Variants in CHN1 observed in about 807,000 individuals in gnomAD.
CHN1 encodes N-chimaerin.
CHN1 carries 37 observed loss-of-function variants against 59.5 expected under a neutral mutation model. The observed-to-expected ratio is 0.62, with a 90% CI of 0.48 to 0.82. CHN1 has a LOEUF of 0.82. CHN1 is among the 40% of genes least tolerant of loss of function. CHN1 has a pLI of 0.00. For synonymous variants in CHN1, 206 were observed against 200.4 expected, an observed-to-expected ratio of 1.03 and a Z score of -0.24; for missense variants, 469 against 571.0, an observed-to-expected ratio of 0.82 and a Z score of 1.82.
At chr2:174,831,981 T>C (rs1270175306) in intron 7 of CHN1, among the ~76,000 whole-genome samples, 1 of 152,138 alleles carries the variant, frequency 6.6e-6, no homozygotes, top group Non-Finnish European at 1.5e-5. Flanking sequence ...ACCTACATTA[T>C]AGATAGGTAA....
intron 1 of CHN1, among the ~76,000 whole-genome samples, chr2:174,977,223 GGC>G (rs1690976119): frequency 6.6e-6 from 1 of 152,188 alleles, no homozygotes; most frequent in Non-Finnish European, 1.5e-5. Context: ...TAGTGGACAT[GGC>G]TTTCCTAATA....
At chr2:174,925,044 C>T (rs1429031577) in intron 3 of CHN1, among the ~76,000 whole-genome samples, 1 of 152,090 alleles carries the variant, frequency 6.6e-6, no homozygotes, top group Non-Finnish European at 1.5e-5. Flanking sequence ...AAAATGATTT[C>T]TAACTGAAAA....
chr2:174,860,320 A>G (rs1056986134), intron 6 of CHN1, among the ~76,000 whole-genome samples: 1 of 152,198 alleles, frequency 6.6e-6, no homozygotes, highest in African/African-American at 2.4e-5. Context: ...CAAGTCTTAA[A>G]TTTATAACAG....
At chr2:174,860,853 C>A (rs1439162448) in intron 6 of CHN1, among the ~76,000 whole-genome samples, 1 of 152,024 alleles carries the variant, frequency 6.6e-6, no homozygotes, top group Non-Finnish European at 1.5e-5. Flanking sequence ...TCTCTCCATC[C>A]CAGATTTCTC....
chr2:174,847,349 G>C, intron 6 of CHN1: 1 of 1,288,794 alleles, frequency 7.8e-7, no homozygotes, highest in South Asian at 2.8e-5. Flanking sequence ...TTTTCTTAAA[G>C]GGATCTATAT....
intron 6 of CHN1, among the ~76,000 whole-genome samples, chr2:174,849,071 TTTC>T (rs1686639850): frequency 6.6e-6 from 1 of 152,192 alleles, no homozygotes. Context: ...AGTAAAATTT[TTTC>T]TTCAACAATA....
At chr2:174,973,941 T>C (rs1370249145) in intron 1 of CHN1, among the ~76,000 whole-genome samples, 1 of 152,224 alleles carries the variant, frequency 6.6e-6, no homozygotes, top group Non-Finnish European at 1.5e-5. Flanking sequence ...AATATGTGAA[T>C]TAAAGTACTA....
intron 4 of CHN1, among the ~76,000 whole-genome samples, chr2:174,915,948 G>T (rs1202065043): frequency 6.6e-6 from 1 of 152,132 alleles, no homozygotes; most frequent in African/African-American, 2.4e-5. Flanking sequence ...AGATAATGAA[G>T]GAATTCAGGA....
At chr2:174,977,813 A>T (rs1164713504) in intron 1 of CHN1, among the ~76,000 whole-genome samples, 7 of 152,222 alleles carry the variant, frequency 4.6e-5, no homozygotes, top group Non-Finnish European at 1.0e-4. Flanking sequence ...GGCTGCTCCA[A>T]TGGTAGTGGG....
chr2:174,921,353 G>A (rs542755687), intron 3 of CHN1, among the ~76,000 whole-genome samples: 6 of 152,138 alleles, frequency 3.9e-5, no homozygotes, highest in African/African-American at 4.8e-5. Flanking sequence ...CCCTCTCTCC[G>A]AGTGGAAAAA....
chr2:174,894,981 C>T (rs1207284215), intron 5 of CHN1, among the ~76,000 whole-genome samples: 1 of 151,634 alleles, frequency 6.6e-6, no homozygotes, highest in East Asian at 1.9e-4. Flanking sequence ...TATAAGCTAC[C>T]CACCTGTTAG....
intron 4 of CHN1, among the ~76,000 whole-genome samples, chr2:174,915,721 T>G (rs1220342169): frequency 6.6e-6 from 1 of 152,120 alleles, no homozygotes; most frequent in East Asian, 1.9e-4. Flanking sequence ...TTTCATTCCC[T>G]GCTAAAACCT....
chr2:174,836,350 C>T (rs923868616), intron 7 of CHN1, among the ~76,000 whole-genome samples: 9 of 152,166 alleles, frequency 5.9e-5, no homozygotes, highest in African/African-American at 1.9e-4. Flanking sequence ...TCCATCATGA[C>T]CAAAAGTAGA....
intron 1 of CHN1, among the ~76,000 whole-genome samples, chr2:174,953,150 G>C (rs1256895408): frequency 6.8e-6 from 1 of 146,588 alleles, no homozygotes; most frequent in Admixed American, 6.9e-5. Context: ...CAAAAATTTT[G>C]ATCTCCAAGG....
At chr2:174,890,023 A>G (rs1216735244) in intron 5 of CHN1, among the ~76,000 whole-genome samples, 1 of 152,166 alleles carries the variant, frequency 6.6e-6, no homozygotes, top group African/African-American at 2.4e-5. Flanking sequence ...GACAATAGCT[A>G]TAAGATAAGC....
At chr2:174,987,775 C>T (rs1025572492) in intron 1 of CHN1, among the ~76,000 whole-genome samples, 2 of 152,018 alleles carry the variant, frequency 1.3e-5, no homozygotes, top group Non-Finnish European at 2.9e-5. Context: ...GGAGAAACTG[C>T]TTTTATTTCA....
At chr2:174,989,364 A>G (rs114646534) in intron 1 of CHN1, among the ~76,000 whole-genome samples, 6,448 of 152,166 alleles carry the variant, frequency 0.042, 483 homozygotes, top group African/African-American at 0.15. Context: ...CAACAAGAGG[A>G]AACTCCAACT....
At chr2:174,848,487 T>C (rs949247714) in intron 6 of CHN1, among the ~76,000 whole-genome samples, 1 of 152,192 alleles carries the variant, frequency 6.6e-6, no homozygotes, top group African/African-American at 2.4e-5. Flanking sequence ...TCTCATGCTA[T>C]AATAATTAAG....
chr2:174,903,487 G>T (rs967807864), intron 5 of CHN1, among the ~76,000 whole-genome samples: 8 of 152,056 alleles, frequency 5.3e-5, no homozygotes. Context: ...TTTCTGGAAG[G>T]ATAGAAAGTA....
Sources: gnomAD v4.1 joint callset for allele counts (sites outside exome capture counted in the v4.1 genomes callset) on GRCh38, gnomAD v4.1.1 for gene constraint, MANE v1.5 for transcripts, NCBI Gene and HGNC (gene_info 2026-07-23, HGNC 2026-07-21) for gene names.